The following CABLES1 variants were observed in gnomAD, a reference collection of about 807,000 sequenced individuals.
CABLES1 encodes CDK5 and ABL1 enzyme substrate 1.
A neutral mutation model predicts 57.8 loss-of-function variants in CABLES1; 36 were observed. The observed-to-expected ratio is 0.62, with a 90% CI of 0.48 to 0.82. The LOEUF is 0.82. Ranked by LOEUF, CABLES1 falls within the 40% of genes least tolerant of loss-of-function variation. The pLI, the probability that CABLES1 is intolerant of heterozygous loss-of-function variation, is 0.00. For missense variants in CABLES1, 767 were observed against 836.6 expected, an observed-to-expected ratio of 0.92 and a Z score of 1.03; for synonymous variants, 374 against 363.0, an observed-to-expected ratio of 1.03 and a Z score of -0.35.
At chr18:23,194,999 A>G (rs1475540500) in intron 3 of CABLES1, among the ~76,000 whole-genome samples, 1 of 152,150 alleles carries the variant, frequency 6.6e-6, no homozygotes, top group Non-Finnish European at 1.5e-5. Flanking sequence ...TAGAATCATT[A>G]CTTTGCTGGC....
chr18:23,153,210 C>T (rs1389181395), intron 1 of CABLES1, among the ~76,000 whole-genome samples: 7 of 152,060 alleles, frequency 4.6e-5, no homozygotes, highest in Non-Finnish European at 1.0e-4. Context: ...ATCCTCCCAC[C>T]TCAGCCACCC....
At position 23,188,898 on chromosome 18, in the gene CABLES1, C is replaced by CCCTCT; in HGVS notation, c.909_913dup (p.Arg305LeufsTer36). Reference sequence around the variant, plus strand: ...CCCTGGAAGATATTGAGGAGAACGCCCCTCTCCGGAGGTAATTTTCTGTTT... The same window carrying CCCTCT: ...CCCTGGAAGATATTGAGGAGAACGCCCCTCTCCTCTCCGGAGGTAATTTTCTGTTT... On this transcript the variant is annotated frameshift_variant, in exon 2 of 10. Transcript: ENST00000256925. LOFTEE classifies it high-confidence loss of function. 1.2e-6 allele frequency: 2 copies of CCCTCT among 1,611,702 alleles called. No individual in the cohort carries two copies. Among genetic ancestry groups the CCCTCT allele is most frequent in the Non-Finnish European group, 1.7e-6 (2 of 1,178,094 alleles).
chr18:23,188,904 C>T lies in CABLES1; in HGVS notation c.912C>T (p.Leu304=). The T allele has an allele frequency of 6.2e-7, 1 of 1,609,780 alleles. No homozygotes were observed. Residue 304 remains leucine, a synonymous_variant, in exon 2 of 10, where the codon CTC becomes CTT. Transcript: ENST00000256925. ...AAGATATTGAGGAGAACGCCCCTCT[C>T]CGGAGGTAATTTTCTGTTTCATTTA... ...TLEDIEENAP[L]RRCRTLSGSP... is the part of the protein sequence containing the mutation.
chr18:23,183,338 C>T (rs1468920699), intron 1 of CABLES1, among the ~76,000 whole-genome samples: 3 of 152,174 alleles, frequency 2.0e-5, no homozygotes, highest in East Asian at 1.9e-4. Flanking sequence ...ACCAGCCCTG[C>T]GTCCCGGGAG....
chr18:23,171,039 G>A (rs575253856), intron 1 of CABLES1, among the ~76,000 whole-genome samples: 14 of 152,306 alleles, frequency 9.2e-5, no homozygotes, highest in Non-Finnish European at 1.8e-4. Context: ...CTCATGATCC[G>A]CCTGCCTCGG....
intron 3 of CABLES1, among the ~76,000 whole-genome samples, chr18:23,209,393 G>A (rs1002389778): frequency 1.3e-5 from 2 of 152,204 alleles, no homozygotes; most frequent in African/African-American, 4.8e-5. Context: ...AGGTACTGGG[G>A]CTTAGGGTTC....
intron 1 of CABLES1, among the ~76,000 whole-genome samples, chr18:23,161,693 A>G (rs1420117524): frequency 1.3e-5 from 2 of 149,886 alleles, no homozygotes; most frequent in African/African-American, 2.5e-5. Context: ...GGTGGATCAC[A>G]AGGTCAGGAG....
At chr18:23,204,857 G>A (rs1198043722) in intron 3 of CABLES1, among the ~76,000 whole-genome samples, 6 of 152,192 alleles carry the variant, frequency 3.9e-5, no homozygotes, top group Non-Finnish European at 8.8e-5. Flanking sequence ...CAGTATTTGC[G>A]AAACTGTCCC....
chr18:23,248,281 A>C (rs1413340525), intron 7 of CABLES1, among the ~76,000 whole-genome samples: 2 of 152,104 alleles, frequency 1.3e-5, no homozygotes, highest in Non-Finnish European at 2.9e-5. Flanking sequence ...CCCCGCCTTC[A>C]CCGAGCCAGG....
At chr18:23,187,508 T>C (rs1217384694) in intron 1 of CABLES1, among the ~76,000 whole-genome samples, 1 of 152,170 alleles carries the variant, frequency 6.6e-6, no homozygotes, top group Admixed American at 6.5e-5. Flanking sequence ...TGCCTCAGCC[T>C]CCCAAGTAGC....
At chr18:23,202,315 AAGC>A (rs2047331365) in intron 3 of CABLES1, among the ~76,000 whole-genome samples, 3 of 152,236 alleles carry the variant, frequency 2.0e-5, no homozygotes, top group African/African-American at 7.2e-5. Context: ...TGAAGTTCAA[AAGC>A]AACTCAAGAT....
chr18:23,233,731 A>T (rs1313892512), intron 4 of CABLES1, among the ~76,000 whole-genome samples: 2 of 152,176 alleles, frequency 1.3e-5, no homozygotes, highest in Non-Finnish European at 2.9e-5. Flanking sequence ...TGAATGAATG[A>T]TTACTTGTTA....
intron 2 of CABLES1, among the ~76,000 whole-genome samples, chr18:23,192,960 G>A (rs796293530): frequency 9.9e-5 from 15 of 152,278 alleles, no homozygotes; most frequent in African/African-American, 3.6e-4. Context: ...GGGAGGCTGA[G>A]GTGGGAGGAT....
chr18:23,231,844 GTT>G (rs2047569197), intron 4 of CABLES1, among the ~76,000 whole-genome samples: 1 of 152,102 alleles, frequency 6.6e-6, no homozygotes, highest in South Asian at 2.1e-4. Context: ...GGCGCGACTG[GTT>G]TGGTTCTGTT....
chr18:23,170,255 T>C (rs2047072873), intron 1 of CABLES1, among the ~76,000 whole-genome samples: 1 of 152,198 alleles, frequency 6.6e-6, no homozygotes, highest in South Asian at 2.1e-4. Context: ...GCAGAGTGCA[T>C]GGCGCAAATT....
chr18:23,247,185 G>T lies in CABLES1; in HGVS notation c.1447-5775G>T, dbSNP rs931091653. Among the ~76,000 whole-genome samples the T allele has an allele frequency of 2.0e-5, 3 of 152,250 alleles. 1 individual carries two copies. Among genetic ancestry groups the T allele is most frequent in the Admixed American group, 2.0e-4 (3 of 15,284 alleles). On this transcript the variant is annotated intron_variant, in intron 7 of 9. Coordinates refer to ENST00000256925, the MANE Select transcript of CABLES1 (RefSeq NM_001100619.3). ...AGAGAGGATGCCATCTCTTGGCATG[G>T]TTGGGAGGCCCGGCCTCTAAGGGCC...
intron 3 of CABLES1, among the ~76,000 whole-genome samples, chr18:23,211,515 C>T (rs2145049933): frequency 6.6e-6 from 1 of 152,344 alleles, no homozygotes; most frequent in East Asian, 1.9e-4. Context: ...CTTGCCCCTC[C>T]CTGCACTGGG....
chr18:23,155,151 T>C (rs1459975368), intron 1 of CABLES1, among the ~76,000 whole-genome samples: 2 of 152,210 alleles, frequency 1.3e-5, no homozygotes, highest in Non-Finnish European at 2.9e-5. Context: ...CAATGTTCGT[T>C]ATGCGTAACT....
chr18:23,141,688 T>C (rs1385761700), intron 1 of CABLES1, among the ~76,000 whole-genome samples: 2 of 152,206 alleles, frequency 1.3e-5, no homozygotes, highest in African/African-American at 2.4e-5. Context: ...GCCTGCAATG[T>C]GGGCGAGCTC....
Sources: allele counts gnomAD v4.1 joint callset (sites outside exome capture counted in the v4.1 genomes callset), GRCh38; gene constraint gnomAD v4.1.1; transcripts MANE v1.5; gene names NCBI Gene and HGNC (gene_info 2026-07-23, HGNC 2026-07-21).